The following TET3 variants were observed in gnomAD, a reference collection of about 807,000 sequenced individuals.
The protein encoded by TET3 is tet methylcytosine dioxygenase 3.
Under a neutral mutation model 141.4 loss-of-function variants are expected in TET3, and 19 were observed. The ratio of observed to expected loss-of-function variants is 0.13; its 90% CI spans 0.09 to 0.20. The LOEUF is 0.20. TET3 is among the 10% of genes least tolerant of loss of function. TET3 has a pLI of 1.00. For missense variants in TET3, 1,874 were observed against 2,356.9 expected (o/e 0.80, Z 4.24); for synonymous variants, 1,043 against 980.9 (o/e 1.06, Z -1.18).
At chr2:74,061,920 G>A (rs1307119658) in intron 4 of TET3, among the ~76,000 whole-genome samples, 1 of 150,646 alleles carries the variant, frequency 6.6e-6, no homozygotes, top group African/African-American at 2.4e-5. Context: ...GGGCAGAGAT[G>A]CTCCTCACTT....
At chr2:74,018,848 G>A (rs966175960) in intron 3 of TET3, among the ~76,000 whole-genome samples, 3 of 151,312 alleles carry the variant, frequency 2.0e-5, no homozygotes, top group East Asian at 1.9e-4. Context: ...CACATGAAAC[G>A]TACAGGTTAT....
In TET3 at chr2:74,010,315, C is replaced by T. The variant is rs561820481; in HGVS notation, c.360+7149C>T. ...CCTCCATGTGGGGGGTGTTGCTCCC[C>T]GCTGGGTCTTTGCCCGAGGTCTGGG... On this transcript the variant is annotated intron_variant, in intron 3 of 11. Transcript: ENST00000409262. Among the ~76,000 whole-genome samples, 5 of 152,318 alleles carry T rather than the reference C, an allele frequency of 3.3e-5. No homozygotes were observed. The East Asian group carries it at 5.8e-4, about 18-fold the overall frequency.
At position 73,986,485 on chromosome 2, in the gene TET3, G is replaced by A. The variant is rs750627385; in HGVS notation, c.82G>A (p.Gly28Arg). ...CTTCCCTCAGCGCCAGGTGATGGTA[G>A]GGAGCTTCCCGGGGTCTGGGCTCTC... Reference protein sequence around the residue: ...YDFPQRQVMVGSFPGSGLSMA... With the variant: ...YDFPQRQVMVRSFPGSGLSMA... The change falls in exon 2 of 12, where the codon GGG becomes AGG. Residue 28 changes from glycine (G) to arginine (R), a missense_variant. Coordinates refer to ENST00000409262, the MANE Select transcript of TET3 (RefSeq NM_001287491.2). 2.4e-6 allele frequency: 3 copies of A among 1,232,082 alleles called. No individual in the cohort carries two copies. The highest frequency in any genetic ancestry group is 6.3e-5 in the East Asian group (2 of 31,720). The allele number at this position is 1,232,082 out of a possible 1,614,324, so 76.3% of individuals were successfully genotyped here.
chr2:73,989,003 T>TG (rs1242856708), intron 2 of TET3, among the ~76,000 whole-genome samples: 1 of 149,252 alleles, frequency 6.7e-6, no homozygotes, highest in Non-Finnish European at 1.5e-5. Flanking sequence ...TTTTTTGTTT[T>TG]TTTTTTTTTT....
chr2:74,010,122 A>G (rs567592376), intron 3 of TET3, among the ~76,000 whole-genome samples: 4 of 152,284 alleles, frequency 2.6e-5, no homozygotes, highest in Admixed American at 2.6e-4. Flanking sequence ...GGTAGTAGTT[A>G]GGGCTGAGCT....
chr2:74,125,158 C>T, the TET3 span, among the ~76,000 whole-genome samples: 1 of 151,988 alleles, frequency 6.6e-6, no homozygotes, highest in Admixed American at 6.6e-5. Flanking sequence ...AGGTGCCTGC[C>T]ACCTGCAGAG....
rs6751366 is a variant in TET3 at position 74,103,767 on chromosome 2, C to T, written c.*1591C>T. ...TTCTTGTGATATTAGCAGAAATGATCTCATGCTAGCCATGTGGATGTGTGT... is the reference window on the plus strand; with the variant it reads ...TTCTTGTGATATTAGCAGAAATGATTTCATGCTAGCCATGTGGATGTGTGT... On this transcript the variant is annotated 3_prime_UTR_variant, in exon 12 of 12. Coordinates refer to ENST00000409262, the MANE Select transcript of TET3 (RefSeq NM_001287491.2). 1.7e-3 allele frequency: 263 copies of T among 153,798 alleles called. 4 individuals carry two copies. The highest frequency in any genetic ancestry group is 6.0e-3 in the African/African-American group (249 of 41,522). 9.5% of individuals were successfully genotyped at this position (153,798 alleles called of 1,614,324 possible).
At chr2:74,076,393 A>T (rs369449828) in intron 5 of TET3, among the ~76,000 whole-genome samples, 48 of 142,626 alleles carry the variant, frequency 3.4e-4, no homozygotes, top group Non-Finnish European at 6.9e-4. Context: ...GGAGGAAGGT[A>T]ATTTCTCATC....
chr2:74,131,502 C>T, the TET3 span, among the ~76,000 whole-genome samples: 2 of 152,274 alleles, frequency 1.3e-5, no homozygotes, highest in South Asian at 2.1e-4. Flanking sequence ...CAGGTCCTCT[C>T]TCAGGTTACT....
At chr2:74,062,609 T>C (rs2103845265) in intron 4 of TET3, among the ~76,000 whole-genome samples, 1 of 152,276 alleles carries the variant, frequency 6.6e-6, no homozygotes, top group African/African-American at 2.4e-5. Flanking sequence ...AAACATACTA[T>C]AGATTTTCCA....
rs191915109 is a variant in TET3 at position 74,008,221 on chromosome 2, C to T, written c.360+5055C>T. ...AGCCTCCGCTTGAAAGAGTAGAGAT[C>T]TTTTTGTCCCATAAGTTCTCTGAGT... On this transcript the variant is annotated intron_variant, in intron 3 of 11. Transcript: ENST00000409262. Among the ~76,000 whole-genome samples the T allele has an allele frequency of 2.2e-3, 334 of 152,278 alleles. 2 individuals are homozygous for T. Among genetic ancestry groups the T allele is most frequent in the African/African-American group, 7.8e-3 (323 of 41,536 alleles).
chr2:74,073,259 T>A (rs1262149995), intron 4 of TET3, among the ~76,000 whole-genome samples: 1 of 152,190 alleles, frequency 6.6e-6, no homozygotes, highest in Non-Finnish European at 1.5e-5. Context: ...CTTTATTGGA[T>A]AATGGTAGGC....
Position 74,101,025 on chromosome 2 carries a change from G to T in TET3, c.4237G>T (p.Asp1413Tyr), listed in dbSNP as rs1281087686. The T allele has an allele frequency of 6.2e-7, 1 of 1,613,300 alleles. No individual in the cohort carries two copies. The highest frequency in any genetic ancestry group is 2.2e-5 in the East Asian group (1 of 44,882). The change falls in exon 12 of 12, where the codon GAC (aspartate) becomes TAC (tyrosine). Residue 1413 changes from aspartate to tyrosine, a missense_variant. Asp to Tyr is a radical substitution (Grantham distance 160). Coordinates refer to ENST00000409262, the MANE Select transcript of TET3 (RefSeq NM_001287491.2). This position sits in a 1 kb window ranked among gnomAD's most constrained non-coding sequence, Gnocchi z 8.5. ...GACCCAGGCTGAGCCTGTGCCCAGA[G>T]ACGCTGGCAAGATGGGCAAGACACC... ...PLTQAEPVPR[D>Y]AGKMGKTPLS...
At chr2:74,055,046 C>T (rs1688141470) in intron 4 of TET3, among the ~76,000 whole-genome samples, 4 of 152,050 alleles carry the variant, frequency 2.6e-5, no homozygotes, top group African/African-American at 9.7e-5. Flanking sequence ...CAGGCATGCA[C>T]CACTATGCCT....
rs1029811009 is a variant in TET3 at position 74,102,552 on chromosome 2, C to G, written c.*376C>G. 8 of 159,010 alleles carry G rather than the reference C, an allele frequency of 5.0e-5. No homozygotes were observed. Among genetic ancestry groups the G allele is most frequent in the Non-Finnish European group, 6.9e-5 (5 of 72,904 alleles). 9.8% of individuals were successfully genotyped at this position (159,010 alleles called of 1,614,324 possible). ...GGAAAGAAAGTTTATAGTATCCTTT[C>G]ACAAAGGAGTAGTTTTAAATTCCAT... is the stretch of plus-strand genomic sequence containing the variant. On this transcript the variant is annotated 3_prime_UTR_variant, in exon 12 of 12. Coordinates refer to ENST00000409262, the MANE Select transcript of TET3 (RefSeq NM_001287491.2).
chr2:74,082,114 T>C (rs1379481273), intron 6 of TET3, among the ~76,000 whole-genome samples: 1 of 152,190 alleles, frequency 6.6e-6, no homozygotes, highest in Non-Finnish European at 1.5e-5. Context: ...AATGAAGATC[T>C]TGGAGCATAG....
chr2:74,018,032 A>G (rs766171689), intron 3 of TET3, among the ~76,000 whole-genome samples: 5 of 144,992 alleles, frequency 3.4e-5, no homozygotes, highest in East Asian at 4.0e-4. Context: ...CAGTAGCACA[A>G]TCTCGGCTCA....
At position 74,101,201 on chromosome 2, in the gene TET3, G is replaced by A. The variant is rs372706848; in HGVS notation, c.4413G>A (p.Lys1471=). ...AGAGTCCTGCCATCGTCCCTGACAA[G>A]CTCAGTTCCTTTGGGGCCAGCTGCC... is the stretch of plus-strand genomic sequence containing the variant. ...SGESPAIVPD[K]LSSFGASCLA... is the part of the protein sequence containing the mutation. The change falls in exon 12 of 12, where the codon AAG becomes AAA. Residue 1471 remains lysine, a synonymous_variant. Transcript: ENST00000409262. The surrounding 1 kb of genome is among the most constrained non-coding windows in gnomAD (Gnocchi z 8.5). 215 of 1,613,422 alleles carry A rather than the reference G, an allele frequency of 1.3e-4. No homozygotes were observed. Among genetic ancestry groups the A allele is most frequent in the Non-Finnish European group, 1.6e-4 (194 of 1,179,758 alleles).
At chr2:74,011,567 C>G (rs551392322) in intron 3 of TET3, among the ~76,000 whole-genome samples, 4 of 152,300 alleles carry the variant, frequency 2.6e-5, no homozygotes, top group African/African-American at 9.6e-5. Context: ...GTAGGGGCAC[C>G]CTTCCAGCTC....
Sources: allele counts gnomAD v4.1 joint callset (sites outside exome capture counted in the v4.1 genomes callset), GRCh38; gene constraint gnomAD v4.1.1; non-coding constraint Gnocchi (gnomAD v3.1); transcripts MANE v1.5; gene names NCBI Gene and HGNC (gene_info 2026-07-23, HGNC 2026-07-21).